Variants in TBX10 observed in about 807,000 individuals in gnomAD.
The protein encoded by TBX10 is T-box transcription factor 10, also known as T-box transcription factor TBX10.
TBX10 carries 26 observed loss-of-function variants against 32.4 expected under a neutral mutation model. The ratio of observed to expected loss-of-function variants is 0.80; its 90% CI spans 0.59 to 1.11. The LOEUF (loss-of-function observed/expected upper bound fraction) is 1.11. TBX10 is among the 50% of genes most tolerant of loss of function. TBX10 has a pLI of 0.00. For missense variants in TBX10, 490 were observed against 494.5 expected (o/e 0.99, Z 0.09); for synonymous variants, 195 against 203.1 (o/e 0.96, Z 0.34).
At chr11:67,639,430 C>T (rs1855374656) in intron 1 of TBX10, 36 bp downstream of exon 1, 1 of 1,313,296 alleles carries the variant, frequency 7.6e-7, no homozygotes. Flanking sequence ...CTGAGCCTGA[C>T]CCATGAGGCC....
At chr11:67,638,834 G>T (rs1204242668) in intron 1 of TBX10, among the ~76,000 whole-genome samples, 3 of 152,148 alleles carry the variant, frequency 2.0e-5, no homozygotes, top group Non-Finnish European at 2.9e-5. Context: ...AAGGGTAGCT[G>T]GTTGTCGCCC....
Position 67,634,851 on chromosome 11 carries a change from G to A in TBX10, c.342C>T (p.Leu114=). Residue 114 remains leucine, a synonymous_variant, in exon 3 of 8, where the codon CTC becomes CTT. Transcript: ENST00000335385. ...GMDSLADYAL[L]MDFIPLDDKR... ...TGTCGTCCAGGGGGATGAAGTCCAT[G>A]AGCAGGGCGTAGTCGGCCAGGGAGT... 1 of 1,613,536 alleles carries A rather than the reference G, an allele frequency of 6.2e-7. No individual in the cohort carries two copies. The highest frequency in any genetic ancestry group is 1.7e-5 in the Admixed American group (1 of 60,028).
At chr11:67,634,078 C>G (rs953945815) in intron 4 of TBX10, 111 bp downstream of exon 4, 68 of 1,521,756 alleles carry the variant, frequency 4.5e-5, no homozygotes, top group Middle Eastern at 2.0e-4. Flanking sequence ...CCCGCCCTGC[C>G]TTGACCATCA....
rs1855233596 is a variant in TBX10, at chr11:67,631,619, G to GT, written c.1143_1144insA (p.Gln382ThrfsTer43). On this transcript the variant is annotated frameshift_variant, in exon 8 of 8. Coordinates refer to ENST00000335385, the MANE Select transcript of TBX10 (RefSeq NM_005995.5). LOFTEE classifies it high-confidence loss of function. ...GGCTTCTGGCATCACTGGGAGTCCTGGCCAGGCCCCAGGCACACCACAGTG... is the reference window on the plus strand; with the variant it reads ...GGCTTCTGGCATCACTGGGAGTCCTGTGCCAGGCCCCAGGCACACCACAGTG... The GT allele has an allele frequency of 6.3e-7, 1 of 1,598,892 alleles. No homozygotes were observed. The highest frequency in any genetic ancestry group is 8.5e-7 in the Non-Finnish European group (1 of 1,176,628).
chr11:67,639,413 C>T, intron 1 of TBX10, 53 bp downstream of exon 1: 1 of 1,593,700 alleles, frequency 6.3e-7, no homozygotes, highest in South Asian at 1.1e-5. Flanking sequence ...CCCACCCACC[C>T]TGGAACCTGA....
At chr11:67,634,754 G>T in intron 3 of TBX10, 62 bp downstream of exon 3, 1 of 1,533,380 alleles carries the variant, frequency 6.5e-7, no homozygotes, top group Non-Finnish European at 9.0e-7. Flanking sequence ...GGTGCAGGAA[G>T]GGTCTAATTC....
At chr11:67,640,267 C>G (rs540838401), upstream of TBX10, among the ~76,000 whole-genome samples, 1 of 152,246 alleles carries the variant, frequency 6.6e-6, no homozygotes, top group East Asian at 1.9e-4. Context: ...CAGGGAGCTG[C>G]GCAACGCTGG....
chr11:67,640,707 A>C (rs1400039337), upstream of TBX10, among the ~76,000 whole-genome samples: 1 of 152,030 alleles, frequency 6.6e-6, no homozygotes, highest in Non-Finnish European at 1.5e-5. Context: ...GGAGCCCCCC[A>C]TACCTCCTCC....
chr11:67,640,904 CCA>C (rs1412510233), upstream of TBX10, among the ~76,000 whole-genome samples: 2 of 152,122 alleles, frequency 1.3e-5, no homozygotes, highest in African/African-American at 4.8e-5. Flanking sequence ...GGATGGGACC[CCA>C]CACAAAGACG....
At chr11:67,641,657 A>G (rs143890946), upstream of TBX10, among the ~76,000 whole-genome samples, 187 of 152,304 alleles carry the variant, frequency 1.2e-3, no homozygotes, top group African/African-American at 3.9e-3. Context: ...GGGGAGTGGC[A>G]CTGCGAGGGG....
chr11:67,634,064 GC>G (rs1477943555), intron 4 of TBX10, 124 bp downstream of exon 4: 3 of 1,417,956 alleles, frequency 2.1e-6, no homozygotes, highest in Non-Finnish European at 2.9e-6. Context: ...CGCCACCCCG[GC>G]TCCCCGCCCT....
rs1405578916 is a variant in TBX10 at position 67,639,570 on chromosome 11, A to T, written c.-98T>A. 1 of 1,527,038 alleles carries T rather than the reference A, an allele frequency of 6.5e-7. No individual in the cohort carries two copies. Among genetic ancestry groups the T allele is most frequent in the Admixed American group, 1.7e-5 (1 of 57,566 alleles). The allele number at this position is 1,527,038 out of a possible 1,614,324, so 94.6% of individuals were successfully genotyped here. ...GGTGGTCACCACTCGTCCACTCGGC[A>T]CCTCAGCTCAGCCCTCAGGTGCTCA... is the stretch of plus-strand genomic sequence containing the variant. On this transcript the variant is annotated 5_prime_UTR_variant, in exon 1 of 8. Coordinates refer to ENST00000335385, the MANE Select transcript of TBX10 (RefSeq NM_005995.5).
chr11:67,632,517 G>T, intron 6 of TBX10, 86 bp downstream of exon 6: 1 of 1,576,832 alleles, frequency 6.3e-7, no homozygotes, highest in Non-Finnish European at 8.7e-7. Flanking sequence ...GTCAGAGGGT[G>T]TGACCCTGAA....
At position 67,634,804 on chromosome 11, in the gene TBX10, C is replaced by T. The variant is rs202076981; in HGVS notation, c.377+12G>A. 219 of 1,612,880 alleles carry T rather than the reference C, an allele frequency of 1.4e-4. No homozygotes were observed. In the East Asian group the frequency reaches 3.8e-3, roughly 28 times the overall value. ...TGAGACCTGAGCCTTTGCCCCAGGC[C>T]GGTCCCCGCACCTGTATCTCTTGTC... On this transcript the variant is annotated intron_variant, in intron 3 of 7. Coordinates refer to ENST00000335385, the MANE Select transcript of TBX10 (RefSeq NM_005995.5).
Position 67,639,349 on chromosome 11 carries a change from C to G in TBX10, c.7+117G>C. 2.7e-6 allele frequency: 4 copies of G among 1,474,582 alleles called. No individual in the cohort carries two copies. The South Asian group carries it at 3.6e-5, about 13-fold the overall frequency. The allele number at this position is 1,474,582 out of a possible 1,614,324, so 91.3% of individuals were successfully genotyped here. A position where few individuals can be genotyped will look rare whatever the true frequency, so the allele number is the denominator to read the frequency against. ...GACCTTAGCCTGGGGTGCCCCTGCC[C>G]CACCCTCTTGTGAAGGACCTGGGTT... On this transcript the variant is annotated intron_variant, in intron 1 of 7. Transcript: ENST00000335385.
chr11:67,639,222 A>C (rs1855372169), intron 1 of TBX10, among the ~76,000 whole-genome samples: 1 of 152,186 alleles, frequency 6.6e-6, no homozygotes, highest in Non-Finnish European at 1.5e-5. Context: ...GCCCGAGGTC[A>C]CACGTGCCCA....
At chr11:67,633,155 T>C (rs765007445) in intron 4 of TBX10, 52 bp from the exon 5 acceptor site, 106 of 1,582,914 alleles carry the variant, frequency 6.7e-5, no homozygotes, top group Non-Finnish European at 8.9e-5. Flanking sequence ...TACAGCGGAC[T>C]CCCTGAGGCT....
intron 1 of TBX10, 139 bp from the exon 2 acceptor site, chr11:67,635,402 G>T: frequency 1.6e-6 from 2 of 1,247,566 alleles, no homozygotes; most frequent in Non-Finnish European, 2.3e-6. Flanking sequence ...CCCCCACTCA[G>T]CATCACTCTG....
At position 67,633,024 on chromosome 11, in the gene TBX10, T is replaced by C. The variant is rs920985945; in HGVS notation, c.629A>G (p.Tyr210Cys). Reference sequence around the variant, plus strand: ...GAAGGACTTGAAGTTCTCCTGGGCATAGCGCTCACTGTCCTTGCGTGGGTC... The same window carrying C: ...GAAGGACTTGAAGTTCTCCTGGGCACAGCGCTCACTGTCCTTGCGTGGGTC... The part of the protein sequence containing the change: ...FVDPRKDSER[Y>C]AQENFKSFIF... The change falls in exon 5 of 8, where the codon TAT (tyrosine) becomes TGT (cysteine). Residue 210 changes from tyrosine to cysteine, a missense_variant. Tyr to Cys is a radical substitution (Grantham distance 194). Around this residue, in one of 3 missense-constraint regions of TBX10, gnomAD observed 307 missense variants for 294.9 expected, o/e 1.04. Coordinates refer to ENST00000335385, the MANE Select transcript of TBX10 (RefSeq NM_005995.5). 6.2e-7 allele frequency: 1 copy of C among 1,614,088 alleles called. No homozygotes were observed. The highest frequency in any genetic ancestry group is 8.5e-7 in the Non-Finnish European group (1 of 1,180,018).
Sources: allele counts gnomAD v4.1 joint callset (sites outside exome capture counted in the v4.1 genomes callset), GRCh38; gene constraint gnomAD v4.1.1; regional missense constraint gnomAD v4.1.1; transcripts MANE v1.5; gene names NCBI Gene and HGNC (gene_info 2026-07-23, HGNC 2026-07-21).